The following CDH18 variants were observed in gnomAD, a reference collection of about 807,000 sequenced individuals.
CDH18 encodes cadherin 18.
CDH18 carries 31 observed loss-of-function variants against 67.9 expected under a neutral mutation model. The ratio of observed to expected loss-of-function variants is 0.46; its 90% CI spans 0.34 to 0.62. The LOEUF (loss-of-function observed/expected upper bound fraction) is 0.62, where lower values mean the gene tolerates loss of function less well. Among genes scored for constraint, CDH18 ranks in the 20% least tolerant of loss-of-function variants. CDH18 has a pLI of 0.01. For missense variants in CDH18, 890 were observed against 975.5 expected (o/e 0.91, Z 1.17); for synonymous variants, 362 against 347.2 (o/e 1.04, Z -0.48).
chr5:20,286,297 A>T (rs1027481842), intron 1 of CDH18, among the ~76,000 whole-genome samples: 3 of 151,676 alleles, frequency 2.0e-5, no homozygotes, highest in African/African-American at 7.2e-5. Context: ...GTGATTTGTT[A>T]CACATAGCAG....
intron 2 of CDH18, among the ~76,000 whole-genome samples, chr5:20,198,003 A>C (rs550045992): frequency 6.6e-6 from 1 of 152,236 alleles, no homozygotes; most frequent in African/African-American, 2.4e-5. Context: ...TTCCCCCTTA[A>C]GTGGGCACTC....
chr5:20,536,821 T>G (rs1756753260), intron 1 of CDH18, among the ~76,000 whole-genome samples: 1 of 152,156 alleles, frequency 6.6e-6, no homozygotes, highest in Non-Finnish European at 1.5e-5. Context: ...TTTTGATTGT[T>G]AGAGATCTAG....
At chr5:19,556,142 T>C (rs1261429475) in intron 8 of CDH18, among the ~76,000 whole-genome samples, 2 of 152,156 alleles carry the variant, frequency 1.3e-5, no homozygotes, top group Non-Finnish European at 2.9e-5. Flanking sequence ...GTCACACATC[T>C]TCCCTCTGAC....
intron 1 of CDH18, among the ~76,000 whole-genome samples, chr5:20,463,808 G>A (rs1324039920): frequency 6.6e-6 from 1 of 152,098 alleles, no homozygotes; most frequent in Non-Finnish European, 1.5e-5. Context: ...CTTCAAATTT[G>A]GTCATATTTT....
chr5:20,366,472 T>A (rs917703160), intron 1 of CDH18, among the ~76,000 whole-genome samples: 7 of 152,320 alleles, frequency 4.6e-5, no homozygotes, highest in Admixed American at 2.6e-4. Flanking sequence ...TCTCAATAAT[T>A]TATTTTCCAC....
chr5:20,347,129 A>G (rs1385292863), intron 1 of CDH18, among the ~76,000 whole-genome samples: 1 of 152,162 alleles, frequency 6.6e-6, no homozygotes, highest in Non-Finnish European at 1.5e-5. Context: ...CCCTTCAATG[A>G]CATGGTTCCC....
At chr5:20,489,126 G>A (rs926573066) in intron 1 of CDH18, among the ~76,000 whole-genome samples, 17 of 151,864 alleles carry the variant, frequency 1.1e-4, no homozygotes, top group Admixed American at 5.9e-4. Flanking sequence ...AGACCTCTAT[G>A]CTTCTATATG....
chr5:19,699,970 AC>A (rs879411280), intron 5 of CDH18, among the ~76,000 whole-genome samples: 1 of 152,076 alleles, frequency 6.6e-6, no homozygotes, highest in Non-Finnish European at 1.5e-5. Context: ...GTGTACTTGT[AC>A]CCCTTAAATG....
At chr5:19,808,323 A>C (rs887566319) in intron 3 of CDH18, among the ~76,000 whole-genome samples, 15 of 150,748 alleles carry the variant, frequency 1.0e-4, no homozygotes, top group African/African-American at 2.9e-4. Context: ...AACAACAAAA[A>C]AAAAACAAAA....
At chr5:20,522,311 A>G (rs1755794502) in intron 1 of CDH18, among the ~76,000 whole-genome samples, 1 of 152,218 alleles carries the variant, frequency 6.6e-6, no homozygotes, top group African/African-American at 2.4e-5. Context: ...TAGCAAACTA[A>G]TACAGAATGT....
chr5:19,703,548 C>T (rs527997721), intron 5 of CDH18, among the ~76,000 whole-genome samples: 1 of 152,226 alleles, frequency 6.6e-6, no homozygotes, highest in Non-Finnish European at 1.5e-5. Context: ...TGGCCTGACC[C>T]TCCAGATCTT....
At chr5:20,211,632 G>C (rs998452118) in intron 2 of CDH18, among the ~76,000 whole-genome samples, 1 of 152,178 alleles carries the variant, frequency 6.6e-6, no homozygotes, top group Non-Finnish European at 1.5e-5. Context: ...GGCAAACAGA[G>C]ACTGGAGTGG....
At chr5:20,270,605 C>T (rs954448587) in intron 1 of CDH18, among the ~76,000 whole-genome samples, 1 of 151,978 alleles carries the variant, frequency 6.6e-6, no homozygotes, top group Non-Finnish European at 1.5e-5. Context: ...AACAAAAATA[C>T]CATTGGACTC....
intron 5 of CDH18, among the ~76,000 whole-genome samples, chr5:19,621,278 T>G (rs1750656287): frequency 6.6e-6 from 1 of 151,748 alleles, no homozygotes; most frequent in African/African-American, 2.4e-5. Context: ...GTTCTATTTC[T>G]TAATATTGTG....
At chr5:20,493,791 C>T (rs1441925893) in intron 1 of CDH18, among the ~76,000 whole-genome samples, 1 of 151,968 alleles carries the variant, frequency 6.6e-6, no homozygotes, top group East Asian at 1.9e-4. Context: ...GTTTGGTTTG[C>T]CAGGATGGGT....
At chr5:19,983,693 G>A (rs972326146) in intron 1 of CDH18, among the ~76,000 whole-genome samples, 1 of 151,848 alleles carries the variant, frequency 6.6e-6, no homozygotes, top group Non-Finnish European at 1.5e-5. Context: ...TAGGGCAAAT[G>A]CTCCTCTTAC....
At chr5:20,456,444 A>C (rs1257817147) in intron 1 of CDH18, among the ~76,000 whole-genome samples, 5 of 152,132 alleles carry the variant, frequency 3.3e-5, no homozygotes, top group African/African-American at 1.2e-4. Context: ...TCCATGGCAG[A>C]CTGTGGCAAA....
At chr5:19,560,173 A>C (rs901051082) in intron 8 of CDH18, among the ~76,000 whole-genome samples, 4 of 152,184 alleles carry the variant, frequency 2.6e-5, no homozygotes, top group Admixed American at 2.6e-4. Flanking sequence ...CCTAAAATTC[A>C]TATGGAACCA....
At chr5:20,429,842 G>A (rs1748599701) in intron 1 of CDH18, among the ~76,000 whole-genome samples, 1 of 152,022 alleles carries the variant, frequency 6.6e-6, no homozygotes, top group African/African-American at 2.4e-5. Context: ...TCCAAACAAA[G>A]GCTAATATGT....
Sources: allele counts gnomAD v4.1 joint callset (sites outside exome capture counted in the v4.1 genomes callset), GRCh38; gene constraint gnomAD v4.1.1; transcripts MANE v1.5; gene names NCBI Gene and HGNC (gene_info 2026-07-23, HGNC 2026-07-21).